Variants in METTL15 observed in about 807,000 individuals in gnomAD.
The protein encoded by METTL15 is 12S rRNA N(4)-cytidine methyltransferase METTL15.
Under a neutral mutation model 38.3 loss-of-function variants are expected in METTL15, and 34 were observed. The ratio of observed to expected loss-of-function variants is 0.89; its 90% CI spans 0.68 to 1.18. The LOEUF is 1.18. Among genes scored for constraint, METTL15 ranks in the 50% most tolerant of loss-of-function variants. The pLI, the probability that METTL15 is intolerant of heterozygous loss-of-function variation, is 0.00. For missense variants in METTL15, 438 were observed against 498.4 expected (o/e 0.88, Z 1.15); for synonymous variants, 162 against 170.9 (o/e 0.95, Z 0.41).
intron 6 of METTL15, among the ~76,000 whole-genome samples, chr11:28,311,003 T>A (rs868319757): frequency 0.016 from 1,870 of 119,022 alleles, 36 homozygotes; most frequent in African/African-American, 0.037. Context: ...TGTGTGTGTG[T>A]GAGAGAGAGA....
At chr11:28,166,700 A>G (rs892166172) in intron 3 of METTL15, among the ~76,000 whole-genome samples, 2 of 152,188 alleles carry the variant, frequency 1.3e-5, no homozygotes, top group African/African-American at 2.4e-5. Context: ...CTGTAACCTC[A>G]GCACTTTGGG....
At chr11:28,317,833 TAG>T (rs1350553325) in intron 6 of METTL15, among the ~76,000 whole-genome samples, 1 of 152,228 alleles carries the variant, frequency 6.6e-6, no homozygotes, top group African/African-American at 2.4e-5. Flanking sequence ...GATTCACTGA[TAG>T]AGTTTCCAGC....
At chr11:28,494,550 A>C (rs934477379) in intron 6 of METTL15, among the ~76,000 whole-genome samples, 2 of 152,048 alleles carry the variant, frequency 1.3e-5, no homozygotes, top group African/African-American at 4.8e-5. Context: ...TCAGAAGATA[A>C]CATCTCTCTG....
chr11:28,287,293 C>T lies in METTL15; in HGVS notation c.408-2913C>T, dbSNP rs117673619. The stretch of plus-strand genomic sequence containing the variant: ...TGTTTTCTTCTTGCATCTTCGTGGT[C>T]CATGAGGCCGGCTGAGGTTGTCATT... On this transcript the variant is annotated intron_variant, in intron 4 of 6. Transcript: ENST00000407364. 782 of 213,808 alleles carry T rather than the reference C, an allele frequency of 3.7e-3. 12 individuals carry two copies. The highest frequency in any genetic ancestry group is 0.012 in the East Asian group (80 of 6,698). The allele number at this position is 213,808 out of a possible 1,614,324, so 13.2% of individuals were successfully genotyped here.
At chr11:28,304,672 T>C (rs188344419) in intron 6 of METTL15, among the ~76,000 whole-genome samples, 1 of 152,190 alleles carries the variant, frequency 6.6e-6, no homozygotes, top group Non-Finnish European at 1.5e-5. Context: ...GCTGAGATTG[T>C]GCCACTGCAC....
chr11:28,265,411 G>A (rs1047215578), intron 4 of METTL15, among the ~76,000 whole-genome samples: 1 of 151,926 alleles, frequency 6.6e-6, no homozygotes, highest in African/African-American at 2.4e-5. Flanking sequence ...TTTGAGAAAA[G>A]CATGAAAGAG....
At chr11:28,497,833 C>A (rs374973215) in intron 6 of METTL15, among the ~76,000 whole-genome samples, 7 of 152,118 alleles carry the variant, frequency 4.6e-5, no homozygotes, top group African/African-American at 1.4e-4. Context: ...CTGAGGCAGG[C>A]AGATCTCTTG....
At chr11:28,271,190 C>T (rs1477246235) in intron 4 of METTL15, among the ~76,000 whole-genome samples, 7 of 152,068 alleles carry the variant, frequency 4.6e-5, no homozygotes, top group Non-Finnish European at 8.8e-5. Flanking sequence ...ATTTTCACAC[C>T]CCACCTAGCA....
At chr11:28,294,651 T>C (rs1856662426) in intron 5 of METTL15, among the ~76,000 whole-genome samples, 1 of 152,110 alleles carries the variant, frequency 6.6e-6, no homozygotes, top group Non-Finnish European at 1.5e-5. Context: ...GTCAGTGAAC[T>C]CTGGAGGACT....
intron 4 of METTL15, among the ~76,000 whole-genome samples, chr11:28,360,583 C>A (rs1446916486): frequency 1.3e-5 from 2 of 151,906 alleles, no homozygotes; most frequent in Non-Finnish European, 2.9e-5. Flanking sequence ...AGGAACACTG[C>A]CTGGGTTCCA....
chr11:28,335,606 G>A (rs1182406023), downstream of METTL15, among the ~76,000 whole-genome samples: 1 of 152,096 alleles, frequency 6.6e-6, no homozygotes, highest in African/African-American at 2.4e-5. Context: ...AATGATGTCC[G>A]GGTCATGGGA....
At chr11:28,290,178 T>C in intron 4 of METTL15, 28 bp from the exon 5 acceptor site, 4 of 1,566,384 alleles carry the variant, frequency 2.6e-6, no homozygotes, top group Non-Finnish European at 3.5e-6. Context: ...ACAGAAGTGT[T>C]TTCTCTATCT....
At chr11:28,293,021 T>C (rs549342221) in intron 5 of METTL15, among the ~76,000 whole-genome samples, 2 of 152,272 alleles carry the variant, frequency 1.3e-5, no homozygotes, top group East Asian at 1.9e-4. Context: ...TTCACTCTGA[T>C]GGTAGTTTCT....
At chr11:28,128,588 C>T (rs978428210) in intron 3 of METTL15, among the ~76,000 whole-genome samples, 1 of 152,060 alleles carries the variant, frequency 6.6e-6, no homozygotes, top group African/African-American at 2.4e-5. Flanking sequence ...TTACAATGGA[C>T]ATTTTATATG....
intron 3 of METTL15, among the ~76,000 whole-genome samples, chr11:28,203,707 C>T (rs1852200782): frequency 6.6e-6 from 1 of 151,966 alleles, no homozygotes; most frequent in Non-Finnish European, 1.5e-5. Flanking sequence ...AATGTGGTGT[C>T]TGTGTCTGTC....
intron 6 of METTL15, among the ~76,000 whole-genome samples, chr11:28,431,276 G>T (rs1280714184): frequency 1.4e-5 from 2 of 145,850 alleles, no homozygotes; most frequent in African/African-American, 4.9e-5. Flanking sequence ...CGTCTGGGAG[G>T]TGTGCCCAAC....
intron 3 of METTL15, among the ~76,000 whole-genome samples, chr11:28,179,298 T>C (rs1405106057): frequency 6.6e-6 from 1 of 151,832 alleles, no homozygotes; most frequent in East Asian, 1.9e-4. Flanking sequence ...TATGCGTTAT[T>C]TTTTCTGTAA....
chr11:28,514,607 T>A (rs936158517), intron 6 of METTL15, among the ~76,000 whole-genome samples: 2 of 152,220 alleles, frequency 1.3e-5, no homozygotes, highest in Non-Finnish European at 2.9e-5. Flanking sequence ...TTACAATCCT[T>A]TAGTTGTCAG....
At chr11:28,196,334 C>T (rs1369678578) in intron 3 of METTL15, among the ~76,000 whole-genome samples, 2 of 152,058 alleles carry the variant, frequency 1.3e-5, no homozygotes, top group South Asian at 2.1e-4. Flanking sequence ...AATCCATGAA[C>T]GTAGGATGTA....
Sources: gnomAD v4.1 joint callset for allele counts (sites outside exome capture counted in the v4.1 genomes callset) on GRCh38, gnomAD v4.1.1 for gene constraint, MANE v1.5 for transcripts, NCBI Gene and HGNC (gene_info 2026-07-23, HGNC 2026-07-21) for gene names.